The following GLRB variants were observed in gnomAD, a reference collection of about 807,000 sequenced individuals.
GLRB encodes glycine receptor subunit beta.
Under a neutral mutation model 54.2 loss-of-function variants are expected in GLRB, and 33 were observed. That is an observed-to-expected ratio of 0.61 (90% CI 0.46 to 0.81). The LOEUF (loss-of-function observed/expected upper bound fraction) is 0.81. Ranked by LOEUF, GLRB falls within the 40% of genes least tolerant of loss-of-function variation. The pLI is 0.00. For synonymous variants in GLRB, 209 were observed against 208.2 expected (o/e 1.00, Z -0.03); for missense variants, 572 against 584.6 (o/e 0.98, Z 0.22).
rs1337136570 is a variant in GLRB, at chr4:157,171,545, A to G, written c.*817A>G. The G allele has an allele frequency of 2.0e-5, 3 of 152,342 alleles. No individual in the cohort carries two copies. Among genetic ancestry groups the G allele is most frequent in the African/African-American group, 4.8e-5 (2 of 41,428 alleles). The allele number at this position is 152,342 out of a possible 1,614,324, so 9.4% of individuals were successfully genotyped here. On this transcript the variant is annotated 3_prime_UTR_variant, in exon 10 of 10. Transcript: ENST00000264428. ...CATTGTGCCTTAAAATGAGTCATAC[A>G]TCTTTTAAATTGGAATGCAGTAATA...
intron 2 of GLRB, among the ~76,000 whole-genome samples, chr4:157,104,314 G>A (rs1316192637): frequency 3.3e-5 from 5 of 152,232 alleles, no homozygotes; most frequent in Admixed American, 6.5e-5. Flanking sequence ...ATATGATTAT[G>A]TGATTTTTAT....
chr4:157,120,505 C>G (rs1316924122), intron 2 of GLRB, 51 bp from the exon 3 acceptor site: 2 of 927,556 alleles, frequency 2.2e-6, no homozygotes, highest in Admixed American at 1.7e-5. Context: ...TTACCCATTT[C>G]TGTTGTTTGC....
At chr4:157,116,724 T>C (rs1422279618) in intron 2 of GLRB, among the ~76,000 whole-genome samples, 1 of 151,700 alleles carries the variant, frequency 6.6e-6, no homozygotes, top group Non-Finnish European at 1.5e-5. Context: ...AAAAATATGA[T>C]TTTAACTTTT....
intron 2 of GLRB, among the ~76,000 whole-genome samples, chr4:157,092,738 G>A (rs542902638): frequency 1.3e-5 from 2 of 152,266 alleles, no homozygotes; most frequent in East Asian, 3.9e-4. Flanking sequence ...GCATCATTCA[G>A]CGTTCATATA....
chr4:157,138,843 G>A lies in GLRB; in HGVS notation c.645G>A (p.Trp215Ter). ...CAACTGATGATTTACGATTTATCTG[G>A]CAGTCAGGAGATCCTGTGCAATTAG... is the stretch of plus-strand genomic sequence containing the variant. ...GYTTDDLRFI[W>*]QSGDPVQLEK... is the part of the protein sequence containing the mutation. The change falls in exon 7 of 10, where the codon TGG becomes TGA. Residue 215 changes from tryptophan to a stop codon, truncating the protein, a stop_gained. Coordinates refer to ENST00000264428, the MANE Select transcript of GLRB (RefSeq NM_000824.5). LOFTEE classifies it high-confidence loss of function. The A allele has an allele frequency of 1.3e-6, 2 of 1,563,192 alleles. No homozygotes were observed. Among genetic ancestry groups the A allele is most frequent in the Non-Finnish European group, 1.8e-6 (2 of 1,134,810 alleles).
At chr4:157,135,787 A>G (rs917765123) in intron 4 of GLRB, among the ~76,000 whole-genome samples, 1 of 152,164 alleles carries the variant, frequency 6.6e-6, no homozygotes, top group Non-Finnish European at 1.5e-5. Context: ...AATTATATTG[A>G]GTGTTCAAAA....
At chr4:157,163,198 T>C (rs1437326648) in intron 9 of GLRB, among the ~76,000 whole-genome samples, 1 of 152,112 alleles carries the variant, frequency 6.6e-6, no homozygotes, top group Admixed American at 6.5e-5. Flanking sequence ...CACAGTATTA[T>C]GGTGGGAGTG....
chr4:157,145,772 G>C (rs1736784068), intron 8 of GLRB, among the ~76,000 whole-genome samples: 2 of 152,098 alleles, frequency 1.3e-5, no homozygotes, highest in South Asian at 4.1e-4. Context: ...GCCACAGTGA[G>C]AGGGTAATAC....
At chr4:157,099,602 C>T (rs1382880101) in intron 2 of GLRB, among the ~76,000 whole-genome samples, 1 of 152,118 alleles carries the variant, frequency 6.6e-6, no homozygotes, top group Non-Finnish European at 1.5e-5. Flanking sequence ...TCCCGAAGTG[C>T]TGGGATTACA....
rs1736663866 is a variant in GLRB at position 157,142,756 on chromosome 4, A to T, written c.752-1051A>T. Among the ~76,000 whole-genome samples the T allele has an allele frequency of 2.0e-5, 3 of 152,222 alleles. 1 individual carries two copies. In the Middle Eastern group the frequency reaches 0.01, roughly 518 times the overall value. On this transcript the variant is annotated intron_variant, in intron 7 of 9. Transcript: ENST00000264428. ...GTTCATTAATTTGTTTCACCATTTT[A>T]AAAAAATTATATAGAGTTTAAACAG...
At chr4:157,113,574 G>T (rs1206098894) in intron 2 of GLRB, among the ~76,000 whole-genome samples, 1 of 151,950 alleles carries the variant, frequency 6.6e-6, no homozygotes, top group Non-Finnish European at 1.5e-5. Flanking sequence ...TAAAAATCTA[G>T]TATCTCTCCA....
At chr4:157,131,566 C>T (rs1001473916) in intron 4 of GLRB, among the ~76,000 whole-genome samples, 1 of 151,752 alleles carries the variant, frequency 6.6e-6, no homozygotes, top group African/African-American at 2.4e-5. Flanking sequence ...TAAAAATCAT[C>T]TGTGCTTTGC....
At chr4:157,120,062 G>T (rs1305198827) in intron 2 of GLRB, among the ~76,000 whole-genome samples, 2 of 151,602 alleles carry the variant, frequency 1.3e-5, no homozygotes, top group Non-Finnish European at 2.9e-5. Context: ...CATAAAAAAT[G>T]GTGAGTTCAT....
intron 2 of GLRB, among the ~76,000 whole-genome samples, chr4:157,104,171 T>C (rs756281012): frequency 4.6e-5 from 7 of 152,204 alleles, no homozygotes; most frequent in African/African-American, 1.2e-4. Context: ...CTGTTGGGAA[T>C]GATGTTCTCT....
chr4:157,136,668 T>G lies in GLRB; in HGVS notation c.497T>G (p.Phe166Cys). 6.2e-7 allele frequency: 1 copy of G among 1,610,832 alleles called. No homozygotes were observed. The highest frequency in any genetic ancestry group is 8.5e-7 in the Non-Finnish European group (1 of 1,177,014). ...CAGGAAAACATCCTCCTCTTTATTTTTCGTGATGGAGATGTCCTTGTCAGC... is the reference window on the plus strand; with the variant it reads ...CAGGAAAACATCCTCCTCTTTATTTGTCGTGATGGAGATGTCCTTGTCAGC... ...VTQENILLFI[F>C]RDGDVLVSMR... The change falls in exon 5 of 10, where the codon TTT becomes TGT. Residue 166 changes from phenylalanine (F) to cysteine (C), a missense_variant. Transcript: ENST00000264428.
At chr4:157,095,566 A>G (rs575060663) in intron 2 of GLRB, among the ~76,000 whole-genome samples, 6 of 152,316 alleles carry the variant, frequency 3.9e-5, no homozygotes, top group African/African-American at 1.4e-4. Context: ...TGACTTAGCT[A>G]GAAAAGTAAA....
At chr4:157,108,189 G>A (rs2126499828) in intron 2 of GLRB, among the ~76,000 whole-genome samples, 1 of 152,212 alleles carries the variant, frequency 6.6e-6, no homozygotes, top group Non-Finnish European at 1.5e-5. Context: ...TTTCATGCCT[G>A]CTAATACAGC....
At chr4:157,112,043 AAT>A (rs1735438025) in intron 2 of GLRB, among the ~76,000 whole-genome samples, 1 of 151,866 alleles carries the variant, frequency 6.6e-6, no homozygotes, top group Admixed American at 6.6e-5. Flanking sequence ...CTGCTTATTA[AAT>A]ATTGCAATTC....
At chr4:157,144,074 C>T (rs944342385) in intron 8 of GLRB, 115 bp downstream of exon 8, 22 of 1,100,386 alleles carry the variant, frequency 2.0e-5, no homozygotes, top group Non-Finnish European at 2.6e-5. Flanking sequence ...CCACCAATTT[C>T]GGTGTTTAAA....
Sources: gnomAD v4.1 joint callset for allele counts (sites outside exome capture counted in the v4.1 genomes callset) on GRCh38, gnomAD v4.1.1 for gene constraint, MANE v1.5 for transcripts, NCBI Gene and HGNC (gene_info 2026-07-23, HGNC 2026-07-21) for gene names.